CDCA7L: variants seen among roughly 807,000 people sequenced by gnomAD.
CDCA7L encodes cell division cycle associated 7 like.
CDCA7L carries 44 observed loss-of-function variants against 57.4 expected under a neutral mutation model. That is an observed-to-expected ratio of 0.77 (90% confidence interval 0.60 to 0.98). The LOEUF (loss-of-function observed/expected upper bound fraction) is 0.98, where lower values mean the gene tolerates loss of function less well. Among genes scored for constraint, CDCA7L ranks in the 50% least tolerant of loss-of-function variants. CDCA7L has a pLI of 0.00. For missense variants in CDCA7L, 644 were observed against 580.6 expected (o/e 1.11, Z -1.12); for synonymous variants, 236 against 202.8 (o/e 1.16, Z -1.39).
At position 21,902,266 on chromosome 7, in the gene CDCA7L, T is replaced by C; in HGVS notation, c.*56A>G. ...AAATCTTTCTTAGGCACCAATGGTA[T>C]GCATGTCTTGTTGGAGTACTCTATG... is the stretch of plus-strand genomic sequence containing the variant. On this transcript the variant is annotated 3_prime_UTR_variant, in exon 10 of 10. Transcript: ENST00000406877. The C allele has an allele frequency of 1.3e-6, 2 of 1,513,988 alleles. No homozygotes were observed. Among genetic ancestry groups the C allele is most frequent in the Non-Finnish European group, 1.8e-6 (2 of 1,089,022 alleles). 93.8% of individuals were successfully genotyped at this position (1,513,988 alleles called of 1,614,324 possible). A position where few individuals can be genotyped will look rare whatever the true frequency, so the allele number is the denominator to read the frequency against.
chr7:21,902,265 A>T lies in CDCA7L; in HGVS notation c.*57T>A. The T allele has an allele frequency of 6.8e-7, 1 of 1,462,388 alleles. No individual in the cohort carries two copies. Among genetic ancestry groups the T allele is most frequent in the Non-Finnish European group, 9.6e-7 (1 of 1,041,820 alleles). The allele number at this position is 1,462,388 out of a possible 1,614,324, so 90.6% of individuals were successfully genotyped here. ...AAAATCTTTCTTAGGCACCAATGGTATGCATGTCTTGTTGGAGTACTCTAT... is the reference window on the plus strand; with the variant it reads ...AAAATCTTTCTTAGGCACCAATGGTTTGCATGTCTTGTTGGAGTACTCTAT... On this transcript the variant is annotated 3_prime_UTR_variant, in exon 10 of 10. Coordinates refer to ENST00000406877, the MANE Select transcript of CDCA7L (RefSeq NM_018719.5).
chr7:21,936,481 G>A (rs1441183162), intron 1 of CDCA7L, among the ~76,000 whole-genome samples: 1 of 152,152 alleles, frequency 6.6e-6, no homozygotes, highest in Admixed American at 6.5e-5. Context: ...AGATCACCAA[G>A]TGGCATTTAT....
chr7:21,915,852 A>T (rs147171241), intron 2 of CDCA7L, among the ~76,000 whole-genome samples: 1 of 151,888 alleles, frequency 6.6e-6, no homozygotes, highest in Non-Finnish European at 1.5e-5. Flanking sequence ...TAATAATAAC[A>T]AAGAGCAAAA....
chr7:21,937,756 T>C (rs1786217692), intron 1 of CDCA7L, among the ~76,000 whole-genome samples: 1 of 152,002 alleles, frequency 6.6e-6, no homozygotes, highest in South Asian at 2.1e-4. Flanking sequence ...GGCAGACATA[T>C]ATATCAATGG....
At chr7:21,933,739 C>T (rs1786084126) in intron 1 of CDCA7L, among the ~76,000 whole-genome samples, 1 of 151,746 alleles carries the variant, frequency 6.6e-6, no homozygotes, top group African/African-American at 2.4e-5. Flanking sequence ...CACCATGGCA[C>T]ATGTATACCT....
In CDCA7L at chr7:21,902,036, AACCCC is replaced by A. The variant is rs1784901968; in HGVS notation, c.*281_*285del. ...TCTCTAACTTACTTACCTGAACTTT[AACCCC>A]ACCCCATTTAAACTGTGCTTTTTAA... On this transcript the variant is annotated 3_prime_UTR_variant, in exon 10 of 10. Transcript: ENST00000406877. The A allele has an allele frequency of 4.6e-6, 2 of 432,504 alleles. No individual in the cohort carries two copies. The highest frequency in any genetic ancestry group is 3.2e-5 in the South Asian group (1 of 31,670). 26.8% of individuals were successfully genotyped at this position (432,504 alleles called of 1,614,324 possible).
chr7:21,931,711 C>T (rs1412154638), intron 1 of CDCA7L, among the ~76,000 whole-genome samples: 1 of 152,176 alleles, frequency 6.6e-6, no homozygotes. Flanking sequence ...CCTTTGAAAA[C>T]CAGCGCAAGA....
At chr7:21,927,086 G>C (rs997657093) in intron 1 of CDCA7L, among the ~76,000 whole-genome samples, 2 of 152,102 alleles carry the variant, frequency 1.3e-5, no homozygotes, top group Admixed American at 1.3e-4. Context: ...GCCACTTCTC[G>C]AATATTTAAT....
At chr7:21,928,535 C>A (rs1347070800) in intron 1 of CDCA7L, among the ~76,000 whole-genome samples, 1 of 151,758 alleles carries the variant, frequency 6.6e-6, no homozygotes. Flanking sequence ...TAACTCAATA[C>A]AAGGAAACTA....
At chr7:21,927,952 G>T (rs552995551) in intron 1 of CDCA7L, among the ~76,000 whole-genome samples, 1 of 152,172 alleles carries the variant, frequency 6.6e-6, no homozygotes, top group Non-Finnish European at 1.5e-5. Flanking sequence ...CCAGCACAGC[G>T]TTCAAGCTCT....
chr7:21,919,691 G>A lies in CDCA7L; in HGVS notation c.25-2797C>T, dbSNP rs150873629. 2.3e-3 allele frequency among the ~76,000 whole-genome samples: 357 copies of A among 152,052 alleles called. 1 individual carries two copies. Among genetic ancestry groups the A allele is most frequent in the Non-Finnish European group, 4.1e-3 (278 of 67,982 alleles). On this transcript the variant is annotated intron_variant, in intron 1 of 9. Coordinates refer to ENST00000406877, the MANE Select transcript of CDCA7L (RefSeq NM_018719.5). ...TCCCTCATCTCACATTAGCATCGCC[G>A]TTCCACCACAAGGAAAACCCTCGAT...
intron 2 of CDCA7L, among the ~76,000 whole-genome samples, chr7:21,915,460 G>C (rs1438747852): frequency 6.6e-6 from 1 of 151,850 alleles, no homozygotes; most frequent in African/African-American, 2.4e-5. Context: ...AACCCTTAGA[G>C]AACATCTGCA....
chr7:21,945,829 C>T lies in CDCA7L; in HGVS notation c.-25G>A, dbSNP rs576581063. 54 of 1,594,630 alleles carry T rather than the reference C, an allele frequency of 3.4e-5. No individual in the cohort carries two copies. Among genetic ancestry groups the T allele is most frequent in the Non-Finnish European group, 4.4e-5 (51 of 1,172,334 alleles). On this transcript the variant is annotated 5_prime_UTR_variant, in exon 1 of 10. Transcript: ENST00000406877. ...TTCTTCCTAACCGGGCTCCAGTCTC[C>T]TCCCAGCACGCGGCCACGGGAGCCC...
chr7:21,902,810 T>TATCAGGCCTGAGCTTTTCCAATGCAAAC, intron 9 of CDCA7L, 168 bp downstream of exon 9: 1 of 628,840 alleles, frequency 1.6e-6, no homozygotes, highest in East Asian at 2.9e-5. Context: ...ATAGGGAAAA[T>TATCAGGCCTGAGCTTTTCCAATGCAAAC]ATCAGGCCTG....
At chr7:21,918,802 T>C (rs1320700862) in intron 1 of CDCA7L, among the ~76,000 whole-genome samples, 1 of 152,192 alleles carries the variant, frequency 6.6e-6, no homozygotes, top group Non-Finnish European at 1.5e-5. Flanking sequence ...TAAGGTGGAA[T>C]CAGCCTGATT....
At chr7:21,907,557 C>A (rs1206195457) in intron 4 of CDCA7L, among the ~76,000 whole-genome samples, 5 of 152,188 alleles carry the variant, frequency 3.3e-5, no homozygotes, top group East Asian at 1.9e-4. Flanking sequence ...TACAGAAAAA[C>A]CAAATATATG....
At chr7:21,912,148 G>A (rs139551343) in intron 2 of CDCA7L, among the ~76,000 whole-genome samples, 282 of 152,104 alleles carry the variant, frequency 1.9e-3, no homozygotes, top group African/African-American at 6.6e-3. Flanking sequence ...TGTAGTCCCA[G>A]CTACTTGGGA....
chr7:21,908,522 G>C lies in CDCA7L; in HGVS notation c.304-15C>G. 1 of 1,493,524 alleles carries C rather than the reference G, an allele frequency of 6.7e-7. No homozygotes were observed. 92.5% of individuals were successfully genotyped at this position (1,493,524 alleles called of 1,614,324 possible). On this transcript the variant is annotated splice_polypyrimidine_tract_variant and intron_variant, in intron 3 of 9. Coordinates refer to ENST00000406877, the MANE Select transcript of CDCA7L (RefSeq NM_018719.5). ...GACTCCACGACCTAATAAAATAAGAGCAAGAAAAAGCACAAAGACACTGTT... is the reference window on the plus strand; with the variant it reads ...GACTCCACGACCTAATAAAATAAGACCAAGAAAAAGCACAAAGACACTGTT...
intron 1 of CDCA7L, among the ~76,000 whole-genome samples, chr7:21,934,331 T>G (rs559294168): frequency 3.7e-4 from 57 of 152,264 alleles, no homozygotes; most frequent in Middle Eastern, 3.4e-3. Flanking sequence ...GTCGCTGAAG[T>G]GAAATTGGTA....
Sources: gnomAD v4.1 joint callset for allele counts (sites outside exome capture counted in the v4.1 genomes callset) on GRCh38, gnomAD v4.1.1 for gene constraint, MANE v1.5 for transcripts, NCBI Gene and HGNC (gene_info 2026-07-23, HGNC 2026-07-21) for gene names.